RHOA: variants seen among roughly 807,000 people sequenced by gnomAD.
The protein encoded by RHOA is transforming protein RhoA.
A neutral mutation model predicts 17.5 loss-of-function variants in RHOA; 3 were observed. The observed-to-expected ratio is 0.17, with a 90% CI of 0.08 to 0.44. The LOEUF (loss-of-function observed/expected upper bound fraction) is 0.44, where lower values mean the gene tolerates loss of function less well. Among genes scored for constraint, RHOA ranks in the 20% least tolerant of loss-of-function variants. The probability of loss-of-function intolerance (pLI) is 0.99; values close to 1 mark genes in which losing one functional copy is unlikely to be tolerated. For missense variants in RHOA, 56 were observed against 242.3 expected (o/e 0.23, Z 5.10); for synonymous variants, 98 against 88.4 (o/e 1.11, Z -0.61).
intron 1 of RHOA, among the ~76,000 whole-genome samples, chr3:49,394,355 G>A (rs1407922786): frequency 1.3e-5 from 2 of 150,102 alleles, no homozygotes; most frequent in Admixed American, 6.7e-5. Context: ...CCACTTTTTT[G>A]TTTTTGTTTT....
chr3:49,402,413 G>A lies in RHOA; in HGVS notation c.-3+9407C>T, dbSNP rs1047708357. 2.6e-5 allele frequency among the ~76,000 whole-genome samples: 4 copies of A among 152,026 alleles called. No homozygotes were observed. The South Asian group carries it at 6.2e-4, about 24-fold the overall frequency. On this transcript the variant is annotated intron_variant, in intron 1 of 4. Transcript: ENST00000418115. ...ATTTCTTAAAATAAAAAACTAGGCC[G>A]GGTGCAGTGGTTCACACCTATAATC...
At chr3:49,405,321 A>G (rs1404714719) in intron 1 of RHOA, among the ~76,000 whole-genome samples, 2 of 151,312 alleles carry the variant, frequency 1.3e-5, no homozygotes, top group Non-Finnish European at 2.9e-5. Context: ...ACCCCAACTA[A>G]TGGGGAGGCT....
intron 4 of RHOA, 149 bp downstream of exon 4, chr3:49,362,347 C>T: frequency 1.4e-6 from 1 of 706,964 alleles, no homozygotes; most frequent in Non-Finnish European, 2.2e-6. Context: ...CTGTGAAGAT[C>T]CCAATTAATG....
chr3:49,375,879 ACTCT>A (rs943203494), intron 1 of RHOA, among the ~76,000 whole-genome samples: 1 of 151,608 alleles, frequency 6.6e-6, no homozygotes, highest in Non-Finnish European at 1.5e-5. Flanking sequence ...ACGGAGTCTC[ACTCT>A]GTCGCCCAGG....
chr3:49,376,936 C>CT (rs1167891960), intron 1 of RHOA, among the ~76,000 whole-genome samples: 1 of 151,728 alleles, frequency 6.6e-6, no homozygotes, highest in African/African-American at 2.4e-5. Flanking sequence ...TGAGACCAGC[C>CT]TGGCCAACAT....
In RHOA at chr3:49,404,433, A is replaced by ACACACACACACACACACACACACACACAC. The variant is rs1553636256; in HGVS notation, c.-3+7386_-3+7387insGTGTGTGTGTGTGTGTGTGTGTGTGTGTG. Among the ~76,000 whole-genome samples, 605 of 90,684 alleles carry ACACACACACACACACACACACACACACAC rather than the reference A, an allele frequency of 6.7e-3. 65 individuals carry two copies. In the East Asian group the frequency reaches 0.087, roughly 13 times the overall value. The allele number at this position is 90,684 out of a possible 152,430, so 59.5% of individuals were successfully genotyped here. On this transcript the variant is annotated intron_variant, in intron 1 of 4. Transcript: ENST00000418115. ...CAAAGTAAAACCCCGTCTCTAGTAA[A>ACACACACACACACACACACACACACACAC]ACACACACACACACACACACACACA...
intron 1 of RHOA, among the ~76,000 whole-genome samples, chr3:49,381,819 C>T (rs1475912946): frequency 6.6e-6 from 1 of 150,732 alleles, no homozygotes; most frequent in Non-Finnish European, 1.5e-5. Context: ...GAGCTGAGAT[C>T]GTGCCACTGC....
chr3:49,411,243 G>C (rs61693336), intron 1 of RHOA, among the ~76,000 whole-genome samples: 4 of 152,020 alleles, frequency 2.6e-5, no homozygotes, highest in African/African-American at 4.8e-5. Flanking sequence ...TATGGCCGTA[G>C]ATCATACCCC....
intron 1 of RHOA, among the ~76,000 whole-genome samples, chr3:49,404,601 G>C (rs2048787637): frequency 1.0e-5 from 1 of 98,128 alleles, no homozygotes; most frequent in Non-Finnish European, 1.8e-5. Flanking sequence ...AACAGAGCAA[G>C]ACTCCGTCTC....
At chr3:49,369,555 A>T (rs1236122235) in intron 2 of RHOA, among the ~76,000 whole-genome samples, 1 of 149,812 alleles carries the variant, frequency 6.7e-6, no homozygotes, top group Non-Finnish European at 1.5e-5. Context: ...CAACATGGTG[A>T]AACCCCGTCC....
chr3:49,372,549 A>G (rs1327869065), intron 2 of RHOA, among the ~76,000 whole-genome samples: 1 of 152,064 alleles, frequency 6.6e-6, no homozygotes, highest in African/African-American at 2.4e-5. Context: ...CCTGGCTAAC[A>G]CGGTGAAACC....
At chr3:49,368,219 G>C (rs1335142949) in intron 3 of RHOA, among the ~76,000 whole-genome samples, 1 of 152,026 alleles carries the variant, frequency 6.6e-6, no homozygotes, top group Non-Finnish European at 1.5e-5. Flanking sequence ...TGCCTAGGTG[G>C]ATACATTTTA....
In RHOA at chr3:49,368,391, C is replaced by T. The variant is rs766059140; in HGVS notation, c.277+37G>A. On this transcript the variant is annotated intron_variant, in intron 3 of 4. Coordinates refer to ENST00000418115, the MANE Select transcript of RHOA (RefSeq NM_001664.4). Reference sequence around the variant, plus strand: ...AGAAACCAGATGCCAACTAGCTACACAGGCAGTGACAAATATCAGGGTGCA... The same window carrying T: ...AGAAACCAGATGCCAACTAGCTACATAGGCAGTGACAAATATCAGGGTGCA... The T allele has an allele frequency of 5.6e-6, 9 of 1,595,844 alleles. No individual in the cohort carries two copies. The South Asian group carries it at 1.0e-4, about 18-fold the overall frequency.
chr3:49,373,547 T>G (rs1447685823), intron 2 of RHOA, among the ~76,000 whole-genome samples: 1 of 152,244 alleles, frequency 6.6e-6, no homozygotes, highest in African/African-American at 2.4e-5. Flanking sequence ...CTGGGCACGC[T>G]GGCTTGCGCC....
chr3:49,363,041 T>C (rs1002820367), intron 3 of RHOA, among the ~76,000 whole-genome samples: 4 of 152,168 alleles, frequency 2.6e-5, no homozygotes, highest in African/African-American at 9.7e-5. Context: ...TGACCCAGGG[T>C]CCACATGTTC....
At chr3:49,377,715 G>T (rs1421051091) in intron 1 of RHOA, among the ~76,000 whole-genome samples, 1 of 151,702 alleles carries the variant, frequency 6.6e-6, no homozygotes, top group Non-Finnish European at 1.5e-5. Flanking sequence ...TGGAGGATGT[G>T]GTGAGCTATG....
chr3:49,401,922 C>A (rs760977871), intron 1 of RHOA, among the ~76,000 whole-genome samples: 4 of 152,160 alleles, frequency 2.6e-5, no homozygotes, highest in Non-Finnish European at 5.9e-5. Flanking sequence ...ATTTGGCCAT[C>A]CTGATCAAGT....
chr3:49,392,891 T>C (rs1333750096), intron 1 of RHOA, among the ~76,000 whole-genome samples: 1 of 152,072 alleles, frequency 6.6e-6, no homozygotes, highest in Non-Finnish European at 1.5e-5. Context: ...TCAGGTCTTT[T>C]AGAGGCCAGG....
At chr3:49,383,721 G>A (rs1214972273) in intron 1 of RHOA, among the ~76,000 whole-genome samples, 1 of 152,024 alleles carries the variant, frequency 6.6e-6, no homozygotes, top group Non-Finnish European at 1.5e-5. Context: ...TTATAGGGAG[G>A]GAATTCACGT....
Sources: allele counts gnomAD v4.1 joint callset (sites outside exome capture counted in the v4.1 genomes callset), GRCh38; gene constraint gnomAD v4.1.1; transcripts MANE v1.5; gene names NCBI Gene and HGNC (gene_info 2026-07-23, HGNC 2026-07-21).